The following RBMS3 variants were observed in gnomAD, a reference collection of about 807,000 sequenced individuals.
RBMS3 encodes RNA binding motif single stranded interacting protein 3.
RBMS3 carries 27 observed loss-of-function variants against 66.8 expected under a neutral mutation model. The observed-to-expected ratio is 0.40, with a 90% CI of 0.30 to 0.56. The LOEUF (loss-of-function observed/expected upper bound fraction) is 0.56, where lower values mean the gene tolerates loss of function less well. Ranked by LOEUF, RBMS3 falls within the 20% of genes least tolerant of loss-of-function variation. The pLI, the probability that RBMS3 is intolerant of heterozygous loss-of-function variation, is 0.40. For missense variants in RBMS3, 513 were observed against 549.5 expected (o/e 0.93, Z 0.66); for synonymous variants, 188 against 183.0 (o/e 1.03, Z -0.22).
intron 6 of RBMS3, among the ~76,000 whole-genome samples, chr3:29,841,371 G>T (rs775366113): frequency 1.3e-5 from 2 of 151,880 alleles, no homozygotes. Context: ...TCTTTTCTAC[G>T]TTTTTTATTA....
chr3:29,474,683 A>G (rs1490655461), intron 2 of RBMS3, among the ~76,000 whole-genome samples: 1 of 152,262 alleles, frequency 6.6e-6, no homozygotes, highest in African/African-American at 2.4e-5. Flanking sequence ...TAGTAGGGAC[A>G]GTGCTACGAA....
intron 1 of RBMS3, among the ~76,000 whole-genome samples, chr3:29,340,922 A>G (rs924088157): frequency 6.6e-6 from 1 of 152,088 alleles, no homozygotes; most frequent in Non-Finnish European, 1.5e-5. Flanking sequence ...TGCTATCTGT[A>G]ATGCTTTTTA....
chr3:29,328,833 C>A (rs2035489480), intron 1 of RBMS3, among the ~76,000 whole-genome samples: 1 of 152,018 alleles, frequency 6.6e-6, no homozygotes, highest in Admixed American at 6.6e-5. Flanking sequence ...TCCAAAAGCC[C>A]TATAAAGCTG....
chr3:29,791,340 A>C, intron 6 of RBMS3, among the ~76,000 whole-genome samples: 1 of 152,330 alleles, frequency 6.6e-6, no homozygotes. Flanking sequence ...CAATGAAAGT[A>C]ACTGACCAAA....
At chr3:29,613,338 TC>T (rs2048555681) in intron 4 of RBMS3, among the ~76,000 whole-genome samples, 1 of 152,146 alleles carries the variant, frequency 6.6e-6, no homozygotes, top group South Asian at 2.1e-4. Context: ...GCACATCCTC[TC>T]CAACACTTGT....
chr3:29,726,448 A>G (rs1204377045), intron 4 of RBMS3, among the ~76,000 whole-genome samples: 1 of 152,204 alleles, frequency 6.6e-6, no homozygotes, highest in Admixed American at 6.5e-5. Flanking sequence ...GTGATTTTAT[A>G]TTTAGAAAAC....
intron 6 of RBMS3, among the ~76,000 whole-genome samples, chr3:29,775,343 G>A (rs1473813712): frequency 6.6e-6 from 1 of 150,946 alleles, no homozygotes; most frequent in Non-Finnish European, 1.5e-5. Flanking sequence ...AAATGCAGAG[G>A]CAATGGTTAG....
At chr3:29,890,238 C>T (rs556565048) in intron 8 of RBMS3, among the ~76,000 whole-genome samples, 1 of 151,728 alleles carries the variant, frequency 6.6e-6, no homozygotes, top group South Asian at 2.1e-4. Flanking sequence ...AGATGTCACA[C>T]AAATATATAC....
chr3:29,443,764 A>G (rs547254608), intron 2 of RBMS3, among the ~76,000 whole-genome samples: 58 of 152,128 alleles, frequency 3.8e-4, no homozygotes, highest in Admixed American at 1.8e-3. Context: ...ATAAGATCAC[A>G]ATGGTAGAGG....
chr3:29,914,493 T>G (rs1429114140), intron 10 of RBMS3, among the ~76,000 whole-genome samples: 1 of 151,906 alleles, frequency 6.6e-6, no homozygotes, highest in Non-Finnish European at 1.5e-5. Flanking sequence ...ATGCTTGATC[T>G]ATGCAATAGC....
chr3:29,688,536 T>C (rs2051834097), intron 4 of RBMS3, among the ~76,000 whole-genome samples: 1 of 147,632 alleles, frequency 6.8e-6, no homozygotes, highest in Non-Finnish European at 1.5e-5. Flanking sequence ...TTAATGTAAA[T>C]AGTCACATCA....
intron 6 of RBMS3, among the ~76,000 whole-genome samples, chr3:29,794,456 G>T (rs556506834): frequency 6.6e-6 from 1 of 151,984 alleles, no homozygotes; most frequent in African/African-American, 2.4e-5. Flanking sequence ...CATGGTGGCG[G>T]GCGCCTGTAG....
At chr3:29,281,782 A>G (rs1373202952) in intron 1 of RBMS3, 26 bp downstream of exon 1, 1 of 1,583,704 alleles carries the variant, frequency 6.3e-7, no homozygotes, top group East Asian at 2.2e-5. Context: ...CGGTCTGGCG[A>G]TCAGCGTGGT....
At position 29,687,451 on chromosome 3, in the gene RBMS3, A is replaced by G. The variant is rs1209787796; in HGVS notation, c.400-52269A>G. On this transcript the variant is annotated intron_variant, in intron 4 of 14. Coordinates refer to ENST00000383767, the MANE Select transcript of RBMS3 (RefSeq NM_001003793.3). Reference sequence around the variant, plus strand: ...TAGGCAGTTAAACATTATTATCTACAGGATTTCTTTTTCCTTCAACATGAA... The same window carrying G: ...TAGGCAGTTAAACATTATTATCTACGGGATTTCTTTTTCCTTCAACATGAA... 2.6e-5 allele frequency among the ~76,000 whole-genome samples: 4 copies of G among 152,354 alleles called. No homozygotes were observed. In the East Asian group the frequency reaches 7.7e-4, roughly 29 times the overall value.
chr3:29,800,193 T>C (rs1654462199), intron 6 of RBMS3, among the ~76,000 whole-genome samples: 1 of 152,058 alleles, frequency 6.6e-6, no homozygotes, highest in Admixed American at 6.6e-5. Context: ...TGTTAACTGA[T>C]TATCTAAATG....
intron 1 of RBMS3, among the ~76,000 whole-genome samples, chr3:29,353,213 C>T (rs992096534): frequency 6.6e-6 from 1 of 151,868 alleles, no homozygotes; most frequent in East Asian, 1.9e-4. Flanking sequence ...ATTGCATTAT[C>T]TAGTACCTCC....
chr3:29,823,675 T>C (rs2058129858), intron 6 of RBMS3, among the ~76,000 whole-genome samples: 1 of 152,168 alleles, frequency 6.6e-6, no homozygotes, highest in South Asian at 2.1e-4. Context: ...TAATTTCAGC[T>C]AATTTTTATT....
At chr3:29,400,118 T>C (rs2125663507) in intron 1 of RBMS3, among the ~76,000 whole-genome samples, 1 of 152,174 alleles carries the variant, frequency 6.6e-6, no homozygotes, top group East Asian at 1.9e-4. Flanking sequence ...TTCCAGCCCT[T>C]CTGGGGAAAA....
intron 1 of RBMS3, among the ~76,000 whole-genome samples, chr3:29,402,478 C>T (rs1007305822): frequency 1.3e-5 from 2 of 151,776 alleles, no homozygotes; most frequent in South Asian, 4.2e-4. Context: ...TTTACAACAC[C>T]AGAAATCAAA....
Sources: allele counts gnomAD v4.1 joint callset (sites outside exome capture counted in the v4.1 genomes callset), GRCh38; gene constraint gnomAD v4.1.1; transcripts MANE v1.5; gene names NCBI Gene and HGNC (gene_info 2026-07-23, HGNC 2026-07-21).